The following NEK1 variants were observed in gnomAD, a reference collection of about 807,000 sequenced individuals.
NEK1 encodes NIMA related kinase 1.
NEK1 carries 137 observed loss-of-function variants against 182.1 expected under a neutral mutation model. The ratio of observed to expected loss-of-function variants is 0.75; its 90% CI spans 0.65 to 0.87. The LOEUF (loss-of-function observed/expected upper bound fraction) is 0.87, where lower values mean the gene tolerates loss of function less well. Ranked by LOEUF, NEK1 falls within the 40% of genes least tolerant of loss-of-function variation. The pLI is 0.00. For synonymous variants in NEK1, 513 were observed against 492.2 expected, an observed-to-expected ratio of 1.04 and a Z score of -0.56; for missense variants, 1,391 against 1,494.4, an observed-to-expected ratio of 0.93 and a Z score of 1.14.
chr4:169,567,450 G>T (rs1763900280), intron 12 of NEK1, among the ~76,000 whole-genome samples: 1 of 151,902 alleles, frequency 6.6e-6, no homozygotes, highest in Non-Finnish European at 1.5e-5. Flanking sequence ...ACCTGGGCTG[G>T]AGTGTAATGG....
chr4:169,457,447 G>A (rs146872833), intron 27 of NEK1, among the ~76,000 whole-genome samples: 276 of 150,468 alleles, frequency 1.8e-3, no homozygotes, highest in African/African-American at 6.6e-3. Context: ...CCAAAGACTG[G>A]AGAAAAAAAA....
chr4:169,422,362 T>C (rs918394389), intron 31 of NEK1, among the ~76,000 whole-genome samples: 2 of 152,252 alleles, frequency 1.3e-5, no homozygotes, highest in Admixed American at 6.5e-5. Flanking sequence ...TATTAGAACA[T>C]ATATGTTGAG....
chr4:169,538,206 A>G (rs1037919213), intron 18 of NEK1, among the ~76,000 whole-genome samples: 2 of 152,170 alleles, frequency 1.3e-5, no homozygotes, highest in Admixed American at 6.5e-5. Context: ...TATTTTAGAT[A>G]CACTTAATTA....
At chr4:169,486,963 T>A (rs932719507) in intron 23 of NEK1, among the ~76,000 whole-genome samples, 1 of 152,168 alleles carries the variant, frequency 6.6e-6, no homozygotes. Context: ...ATTCACAATA[T>A]AGCATACGTG....
Position 169,462,370 on chromosome 4 carries a change from CT to C in NEK1, c.2587+872del, listed in dbSNP as rs146849762. ...AACAAATTAATTACAAACATATACA[CT>C]TTTTGCCTTTTTTGCAGATGACTGT... On this transcript the variant is annotated intron_variant, in intron 27 of 35. Coordinates refer to ENST00000507142, the MANE Select transcript of NEK1 (RefSeq NM_001199397.3). 2.8e-3 allele frequency among the ~76,000 whole-genome samples: 422 copies of C among 152,204 alleles called. 2 individuals carry two copies. The highest frequency in any genetic ancestry group is 0.015 in the South Asian group (70 of 4,826).
chr4:169,433,501 A>T (rs748333050), intron 29 of NEK1, 44 bp downstream of exon 29: 2 of 1,563,866 alleles, frequency 1.3e-6, no homozygotes, highest in Non-Finnish European at 1.7e-6. Context: ...AAGTTATTAC[A>T]AAAGGGACCT....
chr4:169,552,137 C>A (rs1437667413), intron 18 of NEK1, among the ~76,000 whole-genome samples: 1 of 151,930 alleles, frequency 6.6e-6, no homozygotes, highest in Non-Finnish European at 1.5e-5. Context: ...GTATGTAAAT[C>A]TAAGACAATG....
At chr4:169,574,224 CT>C (rs1765326605) in intron 12 of NEK1, among the ~76,000 whole-genome samples, 1 of 152,140 alleles carries the variant, frequency 6.6e-6, no homozygotes. Context: ...GAAGTATCAT[CT>C]TTTTTTATAC....
chr4:169,425,256 G>A lies in NEK1; in HGVS notation c.2975-456C>T, dbSNP rs77759553. 4.8e-3 allele frequency among the ~76,000 whole-genome samples: 724 copies of A among 152,056 alleles called. 8 individuals are homozygous for A. The highest frequency in any genetic ancestry group is 7.4e-3 in the Admixed American group (113 of 15,274). ...AGCCTGAGCAACTAAGTGAGACTAC[G>A]TCTCCACAAAAAATAAAATTAGCTG... On this transcript the variant is annotated intron_variant, in intron 30 of 35. Coordinates refer to ENST00000507142, the MANE Select transcript of NEK1 (RefSeq NM_001199397.3).
At chr4:169,440,575 G>A (rs1312189485) in intron 27 of NEK1, among the ~76,000 whole-genome samples, 1 of 152,190 alleles carries the variant, frequency 6.6e-6, no homozygotes, top group Non-Finnish European at 1.5e-5. Context: ...GCATCTGAAA[G>A]AGAACACAGG....
intron 26 of NEK1, among the ~76,000 whole-genome samples, chr4:169,467,946 C>T (rs974793610): frequency 1.3e-5 from 2 of 151,836 alleles, no homozygotes; most frequent in African/African-American, 4.8e-5. Context: ...CAATATGCTG[C>T]CCATAAGAAA....
chr4:169,540,889 G>C (rs995674357), intron 18 of NEK1, among the ~76,000 whole-genome samples: 1 of 150,648 alleles, frequency 6.6e-6, no homozygotes, highest in African/African-American at 2.4e-5. Context: ...TTTTAGCCCT[G>C]ACAAGAGAAG....
At chr4:169,423,460 T>C (rs945741833) in intron 31 of NEK1, among the ~76,000 whole-genome samples, 1 of 152,124 alleles carries the variant, frequency 6.6e-6, no homozygotes, top group Non-Finnish European at 1.5e-5. Context: ...TTGATTCTTT[T>C]ACAGGCTAAA....
intron 5 of NEK1, 48 bp from the exon 6 acceptor site, chr4:169,590,857 G>A: frequency 2.5e-6 from 3 of 1,222,188 alleles, no homozygotes; most frequent in Non-Finnish European, 3.5e-6. Flanking sequence ...ACCATTAAAA[G>A]AATTCAAGAA....
At chr4:169,489,878 T>G (rs970468928) in intron 23 of NEK1, among the ~76,000 whole-genome samples, 1 of 152,138 alleles carries the variant, frequency 6.6e-6, no homozygotes, top group Non-Finnish European at 1.5e-5. Flanking sequence ...TCCCCACCTT[T>G]GTAGAACAGC....
chr4:169,473,392 A>G (rs1486681416), intron 26 of NEK1, among the ~76,000 whole-genome samples: 1 of 152,082 alleles, frequency 6.6e-6, no homozygotes, highest in Non-Finnish European at 1.5e-5. Context: ...AAAATTATCT[A>G]TTGGGGTACC....
At chr4:169,501,325 A>C (rs1356941514) in intron 23 of NEK1, among the ~76,000 whole-genome samples, 1 of 152,178 alleles carries the variant, frequency 6.6e-6, no homozygotes, top group Non-Finnish European at 1.5e-5. Context: ...TTAACACCCC[A>C]CTGATAGCAT....
At chr4:169,578,770 C>T (rs1047301422) in intron 11 of NEK1, among the ~76,000 whole-genome samples, 7 of 151,986 alleles carry the variant, frequency 4.6e-5, no homozygotes, top group South Asian at 2.1e-4. Context: ...GCCATTAAGT[C>T]GGCATTTTAG....
chr4:169,424,869 G>A, intron 30 of NEK1, 69 bp from the exon 31 acceptor site: 1 of 1,432,356 alleles, frequency 7.0e-7, no homozygotes, highest in Non-Finnish European at 9.3e-7. Context: ...ATATTGATAA[G>A]GCACAGTATG....
Sources: gnomAD v4.1 joint callset for allele counts (sites outside exome capture counted in the v4.1 genomes callset) on GRCh38, gnomAD v4.1.1 for gene constraint, MANE v1.5 for transcripts, NCBI Gene and HGNC (gene_info 2026-07-23, HGNC 2026-07-21) for gene names.